The following CTSS variants were observed in gnomAD, a reference collection of about 807,000 sequenced individuals.
CTSS encodes the protein cathepsin S.
In CTSS, 15 loss-of-function variants were observed where a neutral mutation model predicts 39.9. The observed-to-expected ratio is 0.38, with a 90% CI of 0.25 to 0.58. The LOEUF is 0.58. Among genes scored for constraint, CTSS ranks in the 20% least tolerant of loss-of-function variants. CTSS has a pLI of 0.70. For synonymous variants in CTSS, 126 were observed against 138.2 expected (o/e 0.91, Z 0.62); for missense variants, 250 against 398.2 (o/e 0.63, Z 3.17).
chr1:150,751,719 ACAGT>A, intron 5 of CTSS, 58 bp downstream of exon 5: 6 of 1,464,122 alleles, frequency 4.1e-6, no homozygotes, highest in Non-Finnish European at 5.7e-6. Flanking sequence ...CAAGCCCAGC[ACAGT>A]CAGTCAGTGG....
At chr1:150,739,065 G>A (rs959133602) in intron 7 of CTSS, among the ~76,000 whole-genome samples, 2 of 151,980 alleles carry the variant, frequency 1.3e-5, no homozygotes, top group African/African-American at 4.8e-5. Flanking sequence ...GTGGTGGTGC[G>A]TGCCTGTAAT....
intron 7 of CTSS, among the ~76,000 whole-genome samples, chr1:150,741,010 A>T (rs1652740945): frequency 6.6e-6 from 1 of 150,786 alleles, no homozygotes; most frequent in African/African-American, 2.4e-5. Flanking sequence ...TTTAACTTAA[A>T]TTTTTTTTTG....
chr1:150,759,038 A>T (rs59805030), intron 2 of CTSS, among the ~76,000 whole-genome samples: 22,585 of 72,200 alleles, frequency 0.31, 3,236 homozygotes, highest in African/African-American at 0.53. Context: ...TTTTATTATT[A>T]TTTTTTTTTT....
At chr1:150,748,020 G>T in intron 6 of CTSS, 141 bp from the exon 7 acceptor site, 4 of 587,336 alleles carry the variant, frequency 6.8e-6, no homozygotes, top group Non-Finnish European at 1.2e-5. Context: ...GTCCAGGCAT[G>T]GTGGCTCATG....
At chr1:150,748,514 A>C (rs930889658) in intron 6 of CTSS, among the ~76,000 whole-genome samples, 4 of 149,452 alleles carry the variant, frequency 2.7e-5, no homozygotes, top group Non-Finnish European at 5.9e-5. Flanking sequence ...CAGTTATTTT[A>C]ATTCTCTGTG....
At chr1:150,760,228 G>A (rs967709849) in intron 2 of CTSS, among the ~76,000 whole-genome samples, 1 of 152,038 alleles carries the variant, frequency 6.6e-6, no homozygotes, top group Admixed American at 6.6e-5. Flanking sequence ...TGTGGGTGAG[G>A]GTGAAATTCA....
chr1:150,736,283 A>G (rs1445174620), intron 7 of CTSS, among the ~76,000 whole-genome samples: 1 of 152,188 alleles, frequency 6.6e-6, no homozygotes, highest in East Asian at 1.9e-4. Flanking sequence ...TCTTTTACTA[A>G]AGAAAAAAAC....
rs1466598233 is a variant in CTSS, at chr1:150,730,679, A to G, written c.*2367T>C. On this transcript the variant is annotated 3_prime_UTR_variant, in exon 8 of 8. Transcript: ENST00000368985. ...GTCCTGAACCCCGTCACTAACCTCT[A>G]ACTGAAAGTTAGGATTTTCTTCAAT... 2 of 152,218 alleles carry G rather than the reference A, an allele frequency of 1.3e-5. No individual in the cohort carries two copies. Among genetic ancestry groups the G allele is most frequent in the African/African-American group, 2.4e-5 (1 of 41,454 alleles). 9.4% of individuals were successfully genotyped at this position (152,218 alleles called of 1,614,324 possible).
At chr1:150,739,962 T>A (rs2101911417) in intron 7 of CTSS, among the ~76,000 whole-genome samples, 1 of 152,356 alleles carries the variant, frequency 6.6e-6, no homozygotes, top group East Asian at 1.9e-4. Context: ...TGAGTTGCAA[T>A]GGACTACACA....
intron 2 of CTSS, among the ~76,000 whole-genome samples, chr1:150,762,804 C>T (rs587681800): frequency 3.9e-5 from 6 of 152,136 alleles, no homozygotes; most frequent in Admixed American, 6.5e-5. Flanking sequence ...AAAAGGGAAC[C>T]CTCATACACT....
At chr1:150,739,001 C>A (rs1363737268) in intron 7 of CTSS, among the ~76,000 whole-genome samples, 1 of 152,078 alleles carries the variant, frequency 6.6e-6, no homozygotes. Context: ...TCGAGACCAG[C>A]CTGGCCAACA....
At chr1:150,747,625 T>A (rs1447312486) in intron 7 of CTSS, 152 bp downstream of exon 7, 7 of 620,566 alleles carry the variant, frequency 1.1e-5, no homozygotes, top group Non-Finnish European at 1.7e-5. Context: ...ATGGGGGCAC[T>A]GAGTAATTTA....
In CTSS at chr1:150,750,140, C is replaced by T. The variant is rs774554740; in HGVS notation, c.659G>A (p.Arg220His). 11 of 1,612,422 alleles carry T rather than the reference C, an allele frequency of 6.8e-6. No homozygotes were observed. The highest frequency in any genetic ancestry group is 1.6e-4 in the Middle Eastern group (1 of 6,078). ...AGTGTACTTTGAACATGTGGCAGCA[C>T]GATATTTTGAGTCATATTGACATTT... The part of the protein sequence containing the change: ...DQKCQYDSKY[R>H]AATCSKYTEL... The change falls in exon 6 of 8, where the codon CGT becomes CAT. Residue 220 changes from arginine to histidine, a missense_variant. Coordinates refer to ENST00000368985, the MANE Select transcript of CTSS (RefSeq NM_004079.5).
intron 2 of CTSS, among the ~76,000 whole-genome samples, chr1:150,762,668 A>T (rs761319956): frequency 1.5e-4 from 23 of 152,220 alleles, no homozygotes; most frequent in Non-Finnish European, 3.2e-4. Context: ...AGATATATGA[A>T]AAAATGCTTA....
At chr1:150,758,840 G>A (rs1653190051) in intron 2 of CTSS, among the ~76,000 whole-genome samples, 1 of 148,772 alleles carries the variant, frequency 6.7e-6, no homozygotes, top group Admixed American at 6.7e-5. Flanking sequence ...GTAAGCCACC[G>A]CGCCCAGCAT....
chr1:150,759,127 C>T (rs1653199299), intron 2 of CTSS, among the ~76,000 whole-genome samples: 1 of 151,514 alleles, frequency 6.6e-6, no homozygotes, highest in South Asian at 2.1e-4. Context: ...CCCTTGGCCT[C>T]CCAAAGTGCT....
chr1:150,746,451 A>T (rs587622355), intron 7 of CTSS, among the ~76,000 whole-genome samples: 1 of 152,288 alleles, frequency 6.6e-6, no homozygotes, highest in East Asian at 1.9e-4. Context: ...TGTGCTGCGG[A>T]TATGAAGACC....
intron 7 of CTSS, among the ~76,000 whole-genome samples, 174 bp downstream of exon 7, chr1:150,747,603 G>C (rs1009142033): frequency 2.6e-5 from 4 of 152,142 alleles, no homozygotes; most frequent in Non-Finnish European, 5.9e-5. Flanking sequence ...AGGCAGAATG[G>C]TAAGTGAAAA....
intron 7 of CTSS, among the ~76,000 whole-genome samples, chr1:150,736,639 G>C (rs1652640892): frequency 6.6e-6 from 1 of 152,102 alleles, no homozygotes; most frequent in Non-Finnish European, 1.5e-5. Flanking sequence ...AGGAATCCCA[G>C]ACCCCATTCA....
Sources: allele counts gnomAD v4.1 joint callset (sites outside exome capture counted in the v4.1 genomes callset), GRCh38; gene constraint gnomAD v4.1.1; transcripts MANE v1.5; gene names NCBI Gene and HGNC (gene_info 2026-07-23, HGNC 2026-07-21).